The following TCF4 variants were observed in gnomAD, a reference collection of about 807,000 sequenced individuals.
TCF4 encodes the protein transcription factor 4.
In TCF4, 3 loss-of-function variants were observed where a neutral mutation model predicts 82.1. That is an observed-to-expected ratio of 0.04 (90% CI 0.02 to 0.09). The LOEUF (loss-of-function observed/expected upper bound fraction) is 0.09. Ranked by LOEUF, TCF4 falls within the 10% of genes least tolerant of loss-of-function variation. TCF4 has a pLI of 1.00. For missense variants in TCF4, 518 were observed against 852.7 expected (o/e 0.61, Z 4.89); for synonymous variants, 276 against 309.6 (o/e 0.89, Z 1.14).
intron 8 of TCF4, among the ~76,000 whole-genome samples, chr18:55,347,927 A>G (rs2081530383): frequency 6.6e-6 from 1 of 152,180 alleles, no homozygotes; most frequent in Non-Finnish European, 1.5e-5. Flanking sequence ...ATCTTTTAGT[A>G]TCTGTTATAC....
At chr18:55,571,274 G>A (rs2097464156) in intron 3 of TCF4, among the ~76,000 whole-genome samples, 1 of 152,196 alleles carries the variant, frequency 6.6e-6, no homozygotes, top group Non-Finnish European at 1.5e-5. Context: ...AACATACCAA[G>A]TGAAAAAGCA....
intron 3 of TCF4, 110 bp from the exon 4 acceptor site, chr18:55,464,247 A>C: frequency 2.1e-6 from 2 of 950,570 alleles, no homozygotes; most frequent in Non-Finnish European, 1.7e-6. Flanking sequence ...TTTAATTAAG[A>C]ACCAGGCACC....
At chr18:55,379,572 GCCT>G (rs1329740809) in intron 6 of TCF4, among the ~76,000 whole-genome samples, 1 of 152,174 alleles carries the variant, frequency 6.6e-6, no homozygotes, top group African/African-American at 2.4e-5. Flanking sequence ...AAGGGGACCA[GCCT>G]CCAAGTGCAT....
chr18:55,441,877 A>C (rs939782937), intron 5 of TCF4, among the ~76,000 whole-genome samples: 4 of 152,188 alleles, frequency 2.6e-5, no homozygotes, highest in African/African-American at 9.7e-5. Flanking sequence ...ATTCTCCAAA[A>C]AGAACGTTGT....
At chr18:55,607,710 A>G (rs1365182649) in intron 2 of TCF4, among the ~76,000 whole-genome samples, 1 of 152,200 alleles carries the variant, frequency 6.6e-6, no homozygotes, top group African/African-American at 2.4e-5. Context: ...TAACAATGAA[A>G]AGGTTGTTGC....
At chr18:55,483,465 T>A (rs1464896556) in intron 3 of TCF4, among the ~76,000 whole-genome samples, 1 of 152,208 alleles carries the variant, frequency 6.6e-6, no homozygotes, top group African/African-American at 2.4e-5. Context: ...ACACTTCACT[T>A]GCCAGTCACA....
rs139261733 is a variant in TCF4, at chr18:55,398,322, C to A, written c.369+5132G>T. On this transcript the variant is annotated intron_variant, in intron 6 of 19. Transcript: ENST00000354452. ...ACTGCAAACTCAGGCCCTGTGATGT[C>A]TGAAACTGTCACAATTTAAAATATC... Among the ~76,000 whole-genome samples, 445 of 152,302 alleles carry A rather than the reference C, an allele frequency of 2.9e-3. 4 individuals carry two copies. The highest frequency in any genetic ancestry group is 0.01 in the African/African-American group (418 of 41,562).
intron 8 of TCF4, chr18:55,322,180 G>A (rs1266800318): frequency 1.7e-5 from 18 of 1,055,794 alleles, no homozygotes; most frequent in East Asian, 5.1e-5. Flanking sequence ...AACTGCCTTA[G>A]GGTAAAAGTG....
intron 6 of TCF4, chr18:55,400,829 T>A: frequency 3.7e-6 from 2 of 537,614 alleles, no homozygotes; most frequent in South Asian, 4.0e-5. Context: ...GGAAGAAGCA[T>A]GTTTCCATAT....
At chr18:55,398,860 A>G (rs1401565564) in intron 6 of TCF4, among the ~76,000 whole-genome samples, 1 of 152,198 alleles carries the variant, frequency 6.6e-6, no homozygotes, top group Non-Finnish European at 1.5e-5. Context: ...AGCATGCAAC[A>G]AACACATAAA....
chr18:55,316,256 CA>C (rs1371518284), intron 8 of TCF4, among the ~76,000 whole-genome samples: 1 of 151,986 alleles, frequency 6.6e-6, no homozygotes, highest in African/African-American at 2.4e-5. Context: ...CTTCTTAAGG[CA>C]AAAGTAAATC....
chr18:55,264,250 G>A (rs1183145181), intron 11 of TCF4, among the ~76,000 whole-genome samples: 2 of 152,122 alleles, frequency 1.3e-5, no homozygotes, highest in East Asian at 1.9e-4. Context: ...ACCTCATCGC[G>A]TCATGAAAAT....
intron 5 of TCF4, among the ~76,000 whole-genome samples, chr18:55,436,595 A>G (rs1037100412): frequency 1.3e-5 from 2 of 152,230 alleles, no homozygotes; most frequent in Admixed American, 6.5e-5. Context: ...TGAAAGATAT[A>G]TGAAATCTAA....
At chr18:55,587,938 C>G in intron 1 of TCF4, 100 bp downstream of exon 1, 1 of 934,966 alleles carries the variant, frequency 1.1e-6, no homozygotes, top group Non-Finnish European at 1.3e-6. Context: ...CGGGAGCCCG[C>G]GGCGCGGGAG....
chr18:55,612,831 C>G (rs1044605968), intron 2 of TCF4, among the ~76,000 whole-genome samples: 10 of 152,006 alleles, frequency 6.6e-5, no homozygotes, highest in African/African-American at 2.4e-4. Context: ...GCCTGTAATC[C>G]CAGCTACTAG....
At chr18:55,347,414 C>G (rs1428449011) in intron 8 of TCF4, among the ~76,000 whole-genome samples, 3 of 152,180 alleles carry the variant, frequency 2.0e-5, no homozygotes, top group African/African-American at 7.2e-5. Context: ...ACACGCTGTG[C>G]TTGTCCTGTA....
intron 5 of TCF4, among the ~76,000 whole-genome samples, chr18:55,445,929 T>A (rs913424573): frequency 2.0e-5 from 3 of 152,202 alleles, no homozygotes; most frequent in Non-Finnish European, 4.4e-5. Flanking sequence ...CTTGCCTGTC[T>A]CTTGAGTCAG....
chr18:55,233,499 G>A (rs150185054), intron 16 of TCF4, among the ~76,000 whole-genome samples: 1 of 152,190 alleles, frequency 6.6e-6, no homozygotes, highest in Admixed American at 6.5e-5. Context: ...GGACAAAGAG[G>A]GCAAAATCCA....
At chr18:55,401,795 T>C (rs933164495) in intron 6 of TCF4, 6 of 985,574 alleles carry the variant, frequency 6.1e-6, no homozygotes, top group Non-Finnish European at 6.0e-6. Context: ...TAAGAAAGGA[T>C]ACAGGGGTGA....
Sources: allele counts gnomAD v4.1 joint callset (sites outside exome capture counted in the v4.1 genomes callset), GRCh38; gene constraint gnomAD v4.1.1; transcripts MANE v1.5; gene names NCBI Gene and HGNC (gene_info 2026-07-23, HGNC 2026-07-21).